MPP4: variants seen among roughly 807,000 people sequenced by gnomAD.
The protein encoded by MPP4 is MAGUK p55 scaffold protein 4.
MPP4 carries 91 observed loss-of-function variants against 98.3 expected under a neutral mutation model. The ratio of observed to expected loss-of-function variants is 0.93; its 90% confidence interval spans 0.78 to 1.10. MPP4 has a LOEUF of 1.10. Among genes scored for constraint, MPP4 ranks in the 50% least tolerant of loss-of-function variants. The pLI, the probability that MPP4 is intolerant of heterozygous loss-of-function variation, is 0.00. For synonymous variants in MPP4, 261 were observed against 271.8 expected (o/e 0.96, Z 0.39); for missense variants, 744 against 792.9 (o/e 0.94, Z 0.74).
chr2:201,689,247 C>T (rs1298169296), intron 4 of MPP4, among the ~76,000 whole-genome samples: 1 of 152,074 alleles, frequency 6.6e-6, no homozygotes, highest in Non-Finnish European at 1.5e-5. Context: ...ATTGCTTGAA[C>T]CCAGGAGGCA....
chr2:201,661,339 GA>G (rs2105920689), intron 14 of MPP4: 1 of 448,722 alleles, frequency 2.2e-6, no homozygotes, highest in African/African-American at 2.0e-5. Context: ...CGAAACTGAA[GA>G]ACCTTAACTG....
At chr2:201,667,179 A>T (rs978808879) in intron 12 of MPP4, among the ~76,000 whole-genome samples, 1 of 152,196 alleles carries the variant, frequency 6.6e-6, no homozygotes, top group African/African-American at 2.4e-5. Flanking sequence ...ACTTATCCTA[A>T]TTCTCAAAAC....
Position 201,666,728 on chromosome 2 carries a change from A to G in MPP4, c.1013-356T>C, listed in dbSNP as rs970274110. ...AACAAGAGCGAAACTCCATCTAAAA[A>G]TAAAAATAAAAATAAATAAAAATAA... On this transcript the variant is annotated intron_variant, in intron 12 of 21. Transcript: ENST00000409474. 3 of 144,990 alleles carry G rather than the reference A, an allele frequency of 2.1e-5. No individual in the cohort carries two copies. The Admixed American group carries it at 2.1e-4, about 10-fold the overall frequency. The allele number at this position is 144,990 out of a possible 1,614,324, so 9.0% of individuals were successfully genotyped here.
chr2:201,681,778 G>A (rs887998911), intron 8 of MPP4, among the ~76,000 whole-genome samples: 15 of 151,662 alleles, frequency 9.9e-5, no homozygotes, highest in East Asian at 3.9e-4. Context: ...TTCTGGGGTC[G>A]CTGGTCTGCT....
At chr2:201,693,129 G>T in intron 2 of MPP4, 100 bp from the exon 3 acceptor site, 1 of 1,360,404 alleles carries the variant, frequency 7.4e-7, no homozygotes, top group Non-Finnish European at 9.9e-7. Context: ...CACCAGGAGT[G>T]GAAATGACAC....
intron 10 of MPP4, among the ~76,000 whole-genome samples, chr2:201,679,867 T>C (rs1688619205): frequency 6.6e-6 from 1 of 152,212 alleles, no homozygotes; most frequent in South Asian, 2.1e-4. Context: ...CCCACTCTAA[T>C]GAGGATTTCG....
At chr2:201,666,450 G>GCCACCATGCC in intron 12 of MPP4, 78 bp from the exon 13 acceptor site, 8 of 1,167,024 alleles carry the variant, frequency 6.9e-6, no homozygotes, top group Non-Finnish European at 9.7e-6. Context: ...GCCAGGCATG[G>GCCACCATGCC]TGGCTCATGC....
At chr2:201,693,821 A>G in intron 2 of MPP4, 55 bp downstream of exon 2, 1 of 1,585,746 alleles carries the variant, frequency 6.3e-7, no homozygotes, top group Non-Finnish European at 8.7e-7. Flanking sequence ...ATTTGATCAC[A>G]TGTCAGAGGT....
At chr2:201,697,165 C>T (rs1689213256) in intron 1 of MPP4, among the ~76,000 whole-genome samples, 1 of 152,148 alleles carries the variant, frequency 6.6e-6, no homozygotes, top group Non-Finnish European at 1.5e-5. Flanking sequence ...GGAAGAGAAC[C>T]CTCGCAAGAA....
chr2:201,666,395 A>C, intron 12 of MPP4, 23 bp from the exon 13 acceptor site: 1 of 1,520,178 alleles, frequency 6.6e-7, no homozygotes, highest in Non-Finnish European at 8.8e-7. Context: ...ATAGAAAGGG[A>C]GAAACAGAAT....
chr2:201,670,025 G>A (rs561296750), intron 11 of MPP4, among the ~76,000 whole-genome samples: 1 of 152,168 alleles, frequency 6.6e-6, no homozygotes, highest in Non-Finnish European at 1.5e-5. Flanking sequence ...GTTCTACAAG[G>A]GTAGCATTCT....
In MPP4 at chr2:201,654,643, C is replaced by T. The variant is rs150513401; in HGVS notation, c.1381+194G>A. On this transcript the variant is annotated intron_variant, in intron 18 of 21. Transcript: ENST00000409474. ...AATAATAATTAAAAAAAGAAAAAAG[C>T]CCTTTTAAAAGCCAGCTGCCTACAT... Among the ~76,000 whole-genome samples, 180 of 152,194 alleles carry T rather than the reference C, an allele frequency of 1.2e-3. 1 individual carries two copies. The highest frequency in any genetic ancestry group is 4.0e-3 in the African/African-American group (164 of 41,516).
intron 14 of MPP4, among the ~76,000 whole-genome samples, chr2:201,662,799 AG>A (rs1688064126): frequency 2.0e-5 from 3 of 152,170 alleles, no homozygotes; most frequent in African/African-American, 7.2e-5. Context: ...AATATGCCAA[AG>A]CAATTAGAGA....
intron 14 of MPP4, among the ~76,000 whole-genome samples, chr2:201,663,575 G>A (rs1048127027): frequency 2.0e-5 from 3 of 152,154 alleles, no homozygotes; most frequent in Non-Finnish European, 4.4e-5. Flanking sequence ...AATTAGCCAC[G>A]CATGGTGGCA....
At chr2:201,645,657 A>AT (rs556964874) in intron 21 of MPP4, among the ~76,000 whole-genome samples, 399 of 145,536 alleles carry the variant, frequency 2.7e-3, no homozygotes, top group Non-Finnish European at 4.2e-3. Context: ...AGATAAAATA[A>AT]TTTTTTTTTT....
rs929926346 is a variant in MPP4 at position 201,657,590 on chromosome 2, G to GTTTTTTTTTT, written c.1129+877_1129+886dup. On this transcript the variant is annotated intron_variant, in intron 16 of 21. Transcript: ENST00000409474. ...TCTAACAGTGAGAACCCTGGCCCTT[G>GTTTTTTTTTT]TTTTTTTTTTGTTTTTTTGTTTTTT... Among the ~76,000 whole-genome samples the GTTTTTTTTTT allele has an allele frequency of 6.0e-3, 549 of 90,830 alleles. 93 individuals are homozygous for GTTTTTTTTTT. Among genetic ancestry groups the GTTTTTTTTTT allele is most frequent in the East Asian group, 0.01 (27 of 2,576 alleles). 59.6% of individuals were successfully genotyped at this position (90,830 alleles called of 152,430 possible).
chr2:201,651,371 T>C (rs1687708779), intron 18 of MPP4: 1 of 985,308 alleles, frequency 1.0e-6, no homozygotes, highest in African/African-American at 1.7e-5. Context: ...GCTTCCTACT[T>C]AAAACAAAAT....
chr2:201,681,777 C>T (rs1026500828), intron 8 of MPP4, among the ~76,000 whole-genome samples: 57 of 151,668 alleles, frequency 3.8e-4, no homozygotes, highest in African/African-American at 1.3e-3. Context: ...GTTCTGGGGT[C>T]GCTGGTCTGC....
chr2:201,646,791 T>C (rs1369201776), intron 21 of MPP4: 2 of 152,204 alleles, frequency 1.3e-5, no homozygotes, highest in Admixed American at 6.5e-5. Context: ...AAGCATGACA[T>C]ACAAATATTT....
Sources: allele counts gnomAD v4.1 joint callset (sites outside exome capture counted in the v4.1 genomes callset), GRCh38; gene constraint gnomAD v4.1.1; transcripts MANE v1.5; gene names NCBI Gene and HGNC (gene_info 2026-07-23, HGNC 2026-07-21).